Variants in VAV1 observed in about 807,000 individuals in gnomAD.
The protein encoded by VAV1 is vav guanine nucleotide exchange factor 1, also known as proto-oncogene vav.
A neutral mutation model predicts 128.1 loss-of-function variants in VAV1; 33 were observed. The observed-to-expected ratio is 0.26, with a 90% CI of 0.20 to 0.34. The LOEUF is 0.34. VAV1 is among the 10% of genes least tolerant of loss of function. VAV1 has a pLI of 1.00. For synonymous variants in VAV1, 394 were observed against 409.8 expected, an observed-to-expected ratio of 0.96 and a Z score of 0.47; for missense variants, 715 against 1,093.7, an observed-to-expected ratio of 0.65 and a Z score of 4.88.
In VAV1 at chr19:6,836,833, GACACACACAC is replaced by G. The variant is rs60215253; in HGVS notation, c.1915-115_1915-106del. On this transcript the variant is annotated intron_variant, in intron 20 of 26. Coordinates refer to ENST00000602142, the MANE Select transcript of VAV1 (RefSeq NM_005428.4). ...AGAGTGACCATTGAGCAGAGAGATG[GACACACACAC>G]ACACACACACACACACACACACACA... is the stretch of plus-strand genomic sequence containing the variant. The G allele has an allele frequency of 1.0e-3, 880 of 874,144 alleles. 3 individuals are homozygous for G. In the African/African-American group the frequency reaches 0.014, roughly 13 times the overall value. 54.1% of individuals were successfully genotyped at this position (874,144 alleles called of 1,614,324 possible).
intron 1 of VAV1, among the ~76,000 whole-genome samples, chr19:6,775,931 C>T (rs185868541): frequency 3.9e-4 from 59 of 150,564 alleles, no homozygotes; most frequent in Admixed American, 1.6e-3. Flanking sequence ...CATTTCTCTT[C>T]GGAGTCCTTC....
chr19:6,792,709 G>A (rs575304387), intron 1 of VAV1, among the ~76,000 whole-genome samples: 362 of 152,022 alleles, frequency 2.4e-3, no homozygotes, highest in African/African-American at 8.0e-3. Context: ...ATGCATGTCC[G>A]GTGCATGGTT....
At chr19:6,827,047 A>C in intron 9 of VAV1, 1 of 299,732 alleles carries the variant, frequency 3.3e-6, no homozygotes. Context: ...CTGAACCCCA[A>C]TTCCAACCAA....
chr19:6,847,871 G>C (rs898224685), intron 22 of VAV1, 127 bp from the exon 23 acceptor site: 1 of 833,580 alleles, frequency 1.2e-6, no homozygotes, highest in African/African-American at 1.8e-5. Flanking sequence ...CTGAAGGGCT[G>C]TTAGAGCCAG....
chr19:6,831,853 AGTGTGTGTGTGT>A (rs112497070), intron 14 of VAV1, among the ~76,000 whole-genome samples: 49 of 146,648 alleles, frequency 3.3e-4, no homozygotes, highest in African/African-American at 5.7e-4. Context: ...TGCAAAGGGG[AGTGTGTGTGTGT>A]GTGTGTGTGT....
rs570798018 is a variant in VAV1, at chr19:6,826,420, T to C, written c.828-192T>C. Among the ~76,000 whole-genome samples, 12 of 152,332 alleles carry C rather than the reference T, an allele frequency of 7.9e-5. No homozygotes were observed. In the East Asian group the frequency reaches 2.3e-3, roughly 29 times the overall value. Reference sequence around the variant, plus strand: ...ATACCAGGTACTGTGGTGAAATTACTGTAGCATTAAATGAGATAATGCTAC... The same window carrying C: ...ATACCAGGTACTGTGGTGAAATTACCGTAGCATTAAATGAGATAATGCTAC... On this transcript the variant is annotated intron_variant, in intron 8 of 26. Coordinates refer to ENST00000602142, the MANE Select transcript of VAV1 (RefSeq NM_005428.4). The surrounding 1 kb of genome is among the most constrained non-coding windows in gnomAD (Gnocchi z 4.1).
rs1244515545 is a variant in VAV1 at position 6,828,238 on chromosome 19, G to A, written c.1023+67G>A. ...CTCCTGTGTCTATAAAAGTGGGGAC[G>A]GGGCTGGCTTCTGGGGGTTGGGTCT... On this transcript the variant is annotated intron_variant, in intron 10 of 26. Transcript: ENST00000602142. The surrounding 1 kb of genome is among the most constrained non-coding windows in gnomAD (Gnocchi z 4.5). 3.8e-6 allele frequency: 6 copies of A among 1,585,986 alleles called. No homozygotes were observed. The highest frequency in any genetic ancestry group is 4.3e-6 in the Non-Finnish European group (5 of 1,159,936).
intron 15 of VAV1, 87 bp from the exon 16 acceptor site, chr19:6,833,097 T>C (rs1380207316): frequency 8.3e-7 from 1 of 1,202,834 alleles, no homozygotes; most frequent in African/African-American, 1.6e-5. Context: ...AAACGTGGTC[T>C]GTTCATACCA....
Position 6,797,701 on chromosome 19 carries a change from G to A in VAV1, c.205-23001G>A, listed in dbSNP as rs183564225. Among the ~76,000 whole-genome samples the A allele has an allele frequency of 4.3e-3, 616 of 142,368 alleles. 8 individuals are homozygous for A. Among genetic ancestry groups the A allele is most frequent in the Admixed American group, 7.7e-3 (106 of 13,834 alleles). 93.4% of individuals were successfully genotyped at this position (142,368 alleles called of 152,430 possible). On this transcript the variant is annotated intron_variant, in intron 1 of 26. Transcript: ENST00000602142. ...CTGGGCAACAAGAGTGAAAGATCGC[G>A]CCATTGCACTCCAGCCTGGGCAACA... is the stretch of plus-strand genomic sequence containing the variant.
At chr19:6,821,278 G>A (rs1971776011) in intron 2 of VAV1, among the ~76,000 whole-genome samples, 1 of 152,054 alleles carries the variant, frequency 6.6e-6, no homozygotes, top group South Asian at 2.1e-4. Context: ...GCCGGCGCCT[G>A]TAGTCCCAGC....
At chr19:6,799,122 C>T (rs1226711635) in intron 1 of VAV1, among the ~76,000 whole-genome samples, 2 of 151,830 alleles carry the variant, frequency 1.3e-5, no homozygotes, top group Non-Finnish European at 2.9e-5. Context: ...ACGGATGCAC[C>T]CCAGTTTGTT....
At chr19:6,842,186 C>T (rs536619747) in intron 21 of VAV1, among the ~76,000 whole-genome samples, 69 of 151,936 alleles carry the variant, frequency 4.5e-4, no homozygotes, top group Admixed American at 8.5e-4. Flanking sequence ...GCCAAGATCG[C>T]GCCATTGCAC....
In VAV1 at chr19:6,825,287, C is replaced by T; in HGVS notation, c.724-16C>T. 2 of 1,608,028 alleles carry T rather than the reference C, an allele frequency of 1.2e-6. No homozygotes were observed. Among genetic ancestry groups the T allele is most frequent in the South Asian group, 2.2e-5 (2 of 90,890 alleles). ...CCTGGGCTCTGGTCCCAGCCCTCAC[C>T]CTTCCCTCCGAGTAGGACCTGCTTC... is the stretch of plus-strand genomic sequence containing the variant. On this transcript the variant is annotated splice_polypyrimidine_tract_variant and intron_variant, in intron 7 of 26. Coordinates refer to ENST00000602142, the MANE Select transcript of VAV1 (RefSeq NM_005428.4).
chr19:6,841,478 CTTTT>C (rs35484934), intron 21 of VAV1, among the ~76,000 whole-genome samples: 1 of 135,630 alleles, frequency 7.4e-6, no homozygotes. Flanking sequence ...TTTTTCTTTT[CTTTT>C]TTTTTTTTTT....
chr19:6,802,739 T>G (rs190111630), intron 1 of VAV1, among the ~76,000 whole-genome samples: 1 of 152,346 alleles, frequency 6.6e-6, no homozygotes, highest in African/African-American at 2.4e-5. Context: ...GTACAGAGGT[T>G]AGAGGCACAG....
chr19:6,820,663 T>G lies in VAV1; in HGVS notation c.205-39T>G. ...TGGGGGTCAGTTTCTCCCCTGCCCTTTCGTACTGCCCCACCCTCATTTCTC... is the reference window on the plus strand; with the variant it reads ...TGGGGGTCAGTTTCTCCCCTGCCCTGTCGTACTGCCCCACCCTCATTTCTC... On this transcript the variant is annotated intron_variant, in intron 1 of 26. Transcript: ENST00000602142. The surrounding 1 kb of genome is among the most constrained non-coding windows in gnomAD (Gnocchi z 4.4). 6.3e-7 allele frequency: 1 copy of G among 1,594,408 alleles called. No individual in the cohort carries two copies. Among genetic ancestry groups the G allele is most frequent in the South Asian group, 1.1e-5 (1 of 90,640 alleles).
chr19:6,799,844 C>CAAAA (rs60826995), intron 1 of VAV1, among the ~76,000 whole-genome samples: 1 of 48,936 alleles, frequency 2.0e-5, no homozygotes, highest in African/African-American at 6.2e-5. Flanking sequence ...GAGACTGTCT[C>CAAAA]AAAAAAAAAA....
Position 6,777,905 on chromosome 19 carries a change from A to G in VAV1, c.204+4894A>G, listed in dbSNP as rs1434809079. Among the ~76,000 whole-genome samples the G allele has an allele frequency of 3.9e-5, 6 of 152,042 alleles. No individual in the cohort carries two copies. Among genetic ancestry groups the G allele is most frequent in the Admixed American group, 3.3e-4 (5 of 15,242 alleles). ...AGCCTCCACCTCCCAGGTTCAAGCA[A>G]TTCTCCTGCAGCAGCCTCCTGAGTA... On this transcript the variant is annotated intron_variant, in intron 1 of 26. Transcript: ENST00000602142. This position sits in a 1 kb window ranked among gnomAD's most constrained non-coding sequence, Gnocchi z 4.4.
At chr19:6,853,807 T>A (rs1336625665) in intron 25 of VAV1, 140 bp from the exon 26 acceptor site, 1 of 1,040,782 alleles carries the variant, frequency 9.6e-7, no homozygotes, top group African/African-American at 1.6e-5. Context: ...CCCCTTACAG[T>A]ACAGGGCATC....
Sources: gnomAD v4.1 joint callset for allele counts (sites outside exome capture counted in the v4.1 genomes callset) on GRCh38, gnomAD v4.1.1 for gene constraint, Gnocchi (gnomAD v3.1) non-coding constraint, MANE v1.5 for transcripts, NCBI Gene and HGNC (gene_info 2026-07-23, HGNC 2026-07-21) for gene names.